ACOXL: variants seen among roughly 807,000 people sequenced by gnomAD.
The protein encoded by ACOXL is acyl-CoA oxidase like.
Under a neutral mutation model 71.9 loss-of-function variants are expected in ACOXL, and 70 were observed. That is an observed-to-expected ratio of 0.97 (90% confidence interval 0.80 to 1.19). The LOEUF (loss-of-function observed/expected upper bound fraction) is 1.19. Among genes scored for constraint, ACOXL ranks in the 50% most tolerant of loss-of-function variants. ACOXL has a pLI of 0.00. For missense variants in ACOXL, 703 were observed against 736.3 expected, an observed-to-expected ratio of 0.95 and a Z score of 0.52; for synonymous variants, 253 against 281.6, an observed-to-expected ratio of 0.90 and a Z score of 1.02.
intron 17 of ACOXL, 118 bp from the exon 18 acceptor site, chr2:111,117,498 G>A: frequency 1.8e-6 from 2 of 1,083,074 alleles, no homozygotes; most frequent in Non-Finnish European, 2.7e-6. Context: ...GAATCCAAAG[G>A]GAAACTAGTT....
intron 2 of ACOXL, among the ~76,000 whole-genome samples, chr2:110,782,073 T>C (rs1683406547): frequency 6.6e-6 from 1 of 152,180 alleles, no homozygotes; most frequent in Admixed American, 6.5e-5. Flanking sequence ...TGGGGTATAG[T>C]ACTCATAAAT....
intron 12 of ACOXL, among the ~76,000 whole-genome samples, chr2:110,972,727 A>C (rs1039117993): frequency 2.6e-5 from 4 of 152,150 alleles, no homozygotes; most frequent in African/African-American, 9.7e-5. Context: ...AGTCCAGAGG[A>C]AACCAGAAGC....
intron 12 of ACOXL, among the ~76,000 whole-genome samples, chr2:110,939,370 G>T (rs905731822): frequency 1.3e-5 from 2 of 152,146 alleles, no homozygotes; most frequent in Admixed American, 6.5e-5. Context: ...ATTCTTAACT[G>T]TCTGCAGTAT....
chr2:110,949,333 C>T (rs995144231), intron 12 of ACOXL, among the ~76,000 whole-genome samples: 2 of 152,162 alleles, frequency 1.3e-5, no homozygotes, highest in Non-Finnish European at 2.9e-5. Context: ...CAGCCAGACT[C>T]TTTGCTCAAG....
At chr2:110,748,593 G>C (rs1678533744) in intron 1 of ACOXL, among the ~76,000 whole-genome samples, 1 of 152,188 alleles carries the variant, frequency 6.6e-6, no homozygotes, top group African/African-American at 2.4e-5. Flanking sequence ...AGCTTGCAGT[G>C]TTTGCCAGTT....
At chr2:111,031,476 C>T (rs747608907) in intron 14 of ACOXL, 151 bp from the exon 15 acceptor site, 1 of 628,520 alleles carries the variant, frequency 1.6e-6, no homozygotes, top group Non-Finnish European at 2.8e-6. Context: ...GCAGTTTTTG[C>T]AGGTCACAGA....
At chr2:110,843,705 G>A (rs1377668099) in intron 10 of ACOXL, among the ~76,000 whole-genome samples, 2 of 152,208 alleles carry the variant, frequency 1.3e-5, no homozygotes, top group Non-Finnish European at 2.9e-5. Context: ...TCTGTGCTCT[G>A]CTCTCCCCAG....
chr2:110,849,202 G>A (rs1692294561), intron 10 of ACOXL, among the ~76,000 whole-genome samples: 1 of 152,094 alleles, frequency 6.6e-6, no homozygotes, highest in Non-Finnish European at 1.5e-5. Flanking sequence ...AAGGCAGGCG[G>A]CATCCCTGTT....
intron 9 of ACOXL, among the ~76,000 whole-genome samples, chr2:110,823,289 A>G (rs748731542): frequency 1.3e-5 from 2 of 151,362 alleles, no homozygotes; most frequent in African/African-American, 4.9e-5. Flanking sequence ...TTTTTTCATG[A>G]CTGGATAGCT....
chr2:110,968,316 C>A, intron 12 of ACOXL: 1 of 1,208,874 alleles, frequency 8.3e-7, no homozygotes, highest in Non-Finnish European at 1.2e-6. Context: ...AATTTTTTGG[C>A]TCCCTGAAGG....
At chr2:110,940,501 C>T (rs907860) in intron 12 of ACOXL, among the ~76,000 whole-genome samples, 95,621 of 152,102 alleles carry the variant, frequency 0.63, 30,427 homozygotes, top group East Asian at 0.79. Flanking sequence ...ATAAAGGCCT[C>T]CAAATGTCTC....
intron 10 of ACOXL, among the ~76,000 whole-genome samples, chr2:110,873,136 A>G (rs996814028): frequency 2.0e-5 from 3 of 152,296 alleles, no homozygotes; most frequent in Non-Finnish European, 2.9e-5. Context: ...GAGGGTGACA[A>G]AACTGGGGAA....
At position 110,987,120 on chromosome 2, in the gene ACOXL, G is replaced by C; in HGVS notation, c.1072G>C (p.Glu358Gln). The C allele has an allele frequency of 3.8e-6, 6 of 1,569,086 alleles. No individual in the cohort carries two copies. The highest frequency in any genetic ancestry group is 5.2e-6 in the Non-Finnish European group (6 of 1,154,254). The change falls in exon 13 of 18, where the codon GAA becomes CAA. Residue 358 changes from glutamate to glutamine, a missense_variant. Glu to Gln is a conservative substitution (Grantham distance 29). Transcript: ENST00000439055. ...ECTGGMVVGR[E>Q]LLAQYTKQYE... ...ACTCTTTGCACAGGTTGTGGGGCGG[G>C]AACTGCTGGCCCAATACACCAAACA...
intron 12 of ACOXL, among the ~76,000 whole-genome samples, chr2:110,974,804 G>A (rs929504428): frequency 4.6e-5 from 7 of 152,162 alleles, no homozygotes; most frequent in African/African-American, 1.7e-4. Context: ...CAAGCCTTAT[G>A]TCCAGAAGAG....
chr2:110,982,450 C>T (rs184114929), intron 12 of ACOXL, among the ~76,000 whole-genome samples: 160 of 152,050 alleles, frequency 1.1e-3, no homozygotes, highest in African/African-American at 3.1e-3. Flanking sequence ...TCTGTCATCC[C>T]TTCCATCTCT....
Position 111,062,301 on chromosome 2 carries a change from G to A in ACOXL, c.1440+13013G>A, listed in dbSNP as rs985131400. 7.8e-4 allele frequency among the ~76,000 whole-genome samples: 119 copies of A among 151,712 alleles called. 1 individual carries two copies. Among genetic ancestry groups the A allele is most frequent in the African/African-American group, 2.8e-3 (115 of 41,310 alleles). Reference sequence around the variant, plus strand: ...ACTGCTAAAGGTATGCACCAAACATGACAGCTACAAAATATGTGATGTGAA... The same window carrying A: ...ACTGCTAAAGGTATGCACCAAACATAACAGCTACAAAATATGTGATGTGAA... On this transcript the variant is annotated intron_variant, in intron 16 of 17. Transcript: ENST00000439055.
chr2:110,826,888 C>T (rs1341156982), intron 9 of ACOXL, among the ~76,000 whole-genome samples: 1 of 151,394 alleles, frequency 6.6e-6, no homozygotes, highest in East Asian at 1.9e-4. Flanking sequence ...ATCCTAGTCT[C>T]TTCTCAGCTG....
chr2:110,886,030 T>G (rs1304982421), intron 10 of ACOXL, among the ~76,000 whole-genome samples: 2 of 152,364 alleles, frequency 1.3e-5, no homozygotes, highest in East Asian at 3.9e-4. Context: ...TTAAATAATT[T>G]TAAAAATTAT....
chr2:110,895,549 T>C (rs1331575072), intron 10 of ACOXL, among the ~76,000 whole-genome samples: 1 of 152,028 alleles, frequency 6.6e-6, no homozygotes, highest in African/African-American at 2.4e-5. Context: ...AAAAGACATA[T>C]CTATCGATGA....
Sources: allele counts gnomAD v4.1 joint callset (sites outside exome capture counted in the v4.1 genomes callset), GRCh38; gene constraint gnomAD v4.1.1; transcripts MANE v1.5; gene names NCBI Gene and HGNC (gene_info 2026-07-23, HGNC 2026-07-21).